The following PIP4K2A variants were observed in gnomAD, a reference collection of about 807,000 sequenced individuals.
PIP4K2A encodes the protein phosphatidylinositol 5-phosphate 4-kinase type-2 alpha.
In PIP4K2A, 14 loss-of-function variants were observed where a neutral mutation model predicts 42.9. The ratio of observed to expected loss-of-function variants is 0.33; its 90% confidence interval spans 0.22 to 0.51. The LOEUF (loss-of-function observed/expected upper bound fraction) is 0.51, where lower values mean the gene tolerates loss of function less well. Among genes scored for constraint, PIP4K2A ranks in the 20% least tolerant of loss-of-function variants. The pLI, the probability that PIP4K2A is intolerant of heterozygous loss-of-function variation, is 0.97. For synonymous variants in PIP4K2A, 192 were observed against 192.2 expected, an observed-to-expected ratio of 1.00 and a Z score of 0.01; for missense variants, 434 against 519.8, an observed-to-expected ratio of 0.83 and a Z score of 1.61.
chr10:22,641,348 G>A (rs1385329785), intron 1 of PIP4K2A, among the ~76,000 whole-genome samples: 1 of 152,190 alleles, frequency 6.6e-6, no homozygotes, highest in East Asian at 1.9e-4. Flanking sequence ...TCAGTAAATA[G>A]ATCTACATTA....
chr10:22,649,684 C>T (rs1838953553), intron 1 of PIP4K2A, among the ~76,000 whole-genome samples: 2 of 152,150 alleles, frequency 1.3e-5, no homozygotes, highest in Admixed American at 6.5e-5. Context: ...GGGGCATGCT[C>T]CCTCAGCGGC....
At chr10:22,566,178 T>C (rs915752728) in intron 6 of PIP4K2A, among the ~76,000 whole-genome samples, 3 of 152,202 alleles carry the variant, frequency 2.0e-5, no homozygotes, top group Admixed American at 1.3e-4. Flanking sequence ...AAAAACTTGC[T>C]GTTTTTTGTG....
chr10:22,674,277 AC>A (rs1245392363), intron 1 of PIP4K2A, among the ~76,000 whole-genome samples: 1 of 151,682 alleles, frequency 6.6e-6, no homozygotes, highest in Non-Finnish European at 1.5e-5. Context: ...TCTAATAATA[AC>A]CCCTTTTGGC....
chr10:22,546,300 T>C (rs565250445), intron 7 of PIP4K2A, among the ~76,000 whole-genome samples: 1 of 152,344 alleles, frequency 6.6e-6, no homozygotes, highest in South Asian at 2.1e-4. Context: ...TTGATTATGG[T>C]AGAAGTCTTT....
At chr10:22,621,642 C>A (rs932676334) in intron 1 of PIP4K2A, among the ~76,000 whole-genome samples, 3 of 152,150 alleles carry the variant, frequency 2.0e-5, no homozygotes, top group Non-Finnish European at 4.4e-5. Flanking sequence ...TCCCTGGGTA[C>A]CCCAGATAAC....
chr10:22,710,476 G>C (rs1833894196), intron 1 of PIP4K2A, among the ~76,000 whole-genome samples: 1 of 152,202 alleles, frequency 6.6e-6, no homozygotes, highest in African/African-American at 2.4e-5. Context: ...CTGAATTAGA[G>C]ACAGGAAACC....
chr10:22,589,257 A>T (rs1387615272), intron 4 of PIP4K2A, among the ~76,000 whole-genome samples: 1 of 152,258 alleles, frequency 6.6e-6, no homozygotes, highest in East Asian at 1.9e-4. Flanking sequence ...GTATGATATC[A>T]ATTTCCAGAG....
At chr10:22,557,069 A>AG (rs1836572223) in intron 6 of PIP4K2A, among the ~76,000 whole-genome samples, 1 of 152,194 alleles carries the variant, frequency 6.6e-6, no homozygotes, top group Admixed American at 6.5e-5. Flanking sequence ...AAGCCTCTCA[A>AG]CGGAATTACT....
chr10:22,711,250 T>A (rs774738303), intron 1 of PIP4K2A, among the ~76,000 whole-genome samples: 4 of 152,220 alleles, frequency 2.6e-5, no homozygotes, highest in Non-Finnish European at 5.9e-5. Flanking sequence ...ACTTGAACAT[T>A]TTCACCTTAA....
intron 1 of PIP4K2A, among the ~76,000 whole-genome samples, chr10:22,705,888 A>G (rs1833814760): frequency 6.6e-6 from 1 of 151,878 alleles, no homozygotes; most frequent in South Asian, 2.1e-4. Flanking sequence ...TTTATAAAGG[A>G]AAGAGGTTTA....
intron 6 of PIP4K2A, among the ~76,000 whole-genome samples, chr10:22,559,414 A>G (rs1462226832): frequency 6.6e-6 from 1 of 152,222 alleles, no homozygotes; most frequent in Non-Finnish European, 1.5e-5. Flanking sequence ...AATCTGAGGC[A>G]AATGAGAGCT....
chr10:22,646,521 T>C (rs898824849), intron 1 of PIP4K2A, among the ~76,000 whole-genome samples: 81 of 152,066 alleles, frequency 5.3e-4, no homozygotes, highest in African/African-American at 1.9e-3. Context: ...ACAGCCTTGC[T>C]CTCTGAAAAG....
At chr10:22,626,565 G>C (rs2130758807) in intron 1 of PIP4K2A, among the ~76,000 whole-genome samples, 1 of 152,328 alleles carries the variant, frequency 6.6e-6, no homozygotes, top group South Asian at 2.1e-4. Flanking sequence ...ATAAGGATGA[G>C]CTACCCAGTA....
chr10:22,612,085 T>C (rs1007875089), intron 1 of PIP4K2A, among the ~76,000 whole-genome samples: 2 of 152,348 alleles, frequency 1.3e-5, no homozygotes, highest in Middle Eastern at 3.4e-3. Context: ...GGAGAAAATA[T>C]GAAAACTTCA....
At chr10:22,538,036 C>T (rs1835981203) in intron 9 of PIP4K2A, among the ~76,000 whole-genome samples, 1 of 152,222 alleles carries the variant, frequency 6.6e-6, no homozygotes. Flanking sequence ...TGCAGGCCAG[C>T]ACACTCAAGG....
chr10:22,631,581 G>A (rs1443905621), intron 1 of PIP4K2A, among the ~76,000 whole-genome samples: 1 of 152,062 alleles, frequency 6.6e-6, no homozygotes, highest in Non-Finnish European at 1.5e-5. Context: ...GCATTTTGGT[G>A]GTGGGTCTAA....
Position 22,536,262 on chromosome 10 carries a change from T to C in PIP4K2A, c.*939A>G, listed in dbSNP as rs932356949. ...GCTGGTTTTCCCACAGTGGGAGATG[T>C]AGATACCATTGCCCCAAACTATGCA... On this transcript the variant is annotated 3_prime_UTR_variant, in exon 10 of 10. Coordinates refer to ENST00000376573, the MANE Select transcript of PIP4K2A (RefSeq NM_005028.5). The C allele has an allele frequency of 2.5e-6, 1 of 396,866 alleles. No individual in the cohort carries two copies. The highest frequency in any genetic ancestry group is 4.4e-6 in the Non-Finnish European group (1 of 225,360). 24.6% of individuals were successfully genotyped at this position (396,866 alleles called of 1,614,324 possible).
At chr10:22,574,444 GTTTT>G in intron 4 of PIP4K2A, among the ~76,000 whole-genome samples, 2 of 142,366 alleles carry the variant, frequency 1.4e-5, no homozygotes, top group African/African-American at 2.6e-5. Context: ...TTCATTTTCT[GTTTT>G]TTTTTTTTTT....
At chr10:22,602,080 A>C (rs1837794393) in intron 3 of PIP4K2A, among the ~76,000 whole-genome samples, 1 of 152,128 alleles carries the variant, frequency 6.6e-6, no homozygotes. Flanking sequence ...TATAAATTAC[A>C]ATGCAGTTAT....
Sources: allele counts gnomAD v4.1 joint callset (sites outside exome capture counted in the v4.1 genomes callset), GRCh38; gene constraint gnomAD v4.1.1; transcripts MANE v1.5; gene names NCBI Gene and HGNC (gene_info 2026-07-23, HGNC 2026-07-21).